Variants in SNTG1 observed in about 807,000 individuals in gnomAD.
The protein encoded by SNTG1 is gamma-1-syntrophin.
Under a neutral mutation model 74.7 loss-of-function variants are expected in SNTG1, and 39 were observed. The ratio of observed to expected loss-of-function variants is 0.52; its 90% CI spans 0.40 to 0.68. The LOEUF (loss-of-function observed/expected upper bound fraction) is 0.68. Ranked by LOEUF, SNTG1 falls within the 30% of genes least tolerant of loss-of-function variation. SNTG1 has a pLI of 0.00. For missense variants in SNTG1, 685 were observed against 609.5 expected (o/e 1.12, Z -1.30); for synonymous variants, 254 against 217.1 (o/e 1.17, Z -1.49).
At chr8:50,215,718 C>A (rs531456194) in intron 2 of SNTG1, among the ~76,000 whole-genome samples, 1 of 151,864 alleles carries the variant, frequency 6.6e-6, no homozygotes, top group South Asian at 2.1e-4. Flanking sequence ...AGATTATAGG[C>A]AGAGACATAT....
chr8:50,431,885 C>G (rs1280996624), intron 4 of SNTG1, among the ~76,000 whole-genome samples: 1 of 152,036 alleles, frequency 6.6e-6, no homozygotes, highest in Non-Finnish European at 1.5e-5. Context: ...TGTTTGTGTT[C>G]TTACTGAGTG....
chr8:50,297,195 C>T (rs1364581229), intron 2 of SNTG1, among the ~76,000 whole-genome samples: 3 of 152,128 alleles, frequency 2.0e-5, no homozygotes, highest in African/African-American at 4.8e-5. Flanking sequence ...GCAGAAGATA[C>T]GTTTTACAAA....
intron 8 of SNTG1, among the ~76,000 whole-genome samples, chr8:50,454,123 G>T (rs140514441): frequency 1.6e-4 from 25 of 152,222 alleles, no homozygotes; most frequent in African/African-American, 5.3e-4. Context: ...CTGAACCCTA[G>T]ACATATTAAG....
chr8:50,081,909 G>C (rs1048986412), intron 1 of SNTG1, among the ~76,000 whole-genome samples: 1 of 152,156 alleles, frequency 6.6e-6, no homozygotes, highest in Admixed American at 6.5e-5. Context: ...AGGATTACAG[G>C]CGTGAGCCAT....
At chr8:50,022,900 G>A (rs1349016082) in intron 1 of SNTG1, among the ~76,000 whole-genome samples, 1 of 152,122 alleles carries the variant, frequency 6.6e-6, no homozygotes, top group East Asian at 1.9e-4. Context: ...CTCCATGTTA[G>A]GAGAGTGTTT....
At chr8:50,748,939 A>G (rs369279132) in intron 17 of SNTG1, among the ~76,000 whole-genome samples, 3 of 152,120 alleles carry the variant, frequency 2.0e-5, no homozygotes, top group Admixed American at 6.5e-5. Flanking sequence ...TAATCCTGCA[A>G]TGGACTTTCT....
chr8:49,966,858 G>A (rs1811186097), intron 1 of SNTG1, among the ~76,000 whole-genome samples: 2 of 152,038 alleles, frequency 1.3e-5, no homozygotes, highest in Admixed American at 6.6e-5. Flanking sequence ...GCTACTTTGT[G>A]TATATCTAGC....
At chr8:50,089,024 A>T (rs1409871581) in intron 1 of SNTG1, among the ~76,000 whole-genome samples, 2 of 151,794 alleles carry the variant, frequency 1.3e-5, no homozygotes, top group Non-Finnish European at 2.9e-5. Context: ...GGCTACAGTA[A>T]CCAAAACAGC....
intron 4 of SNTG1, among the ~76,000 whole-genome samples, chr8:50,422,618 G>C (rs986518198): frequency 3.4e-4 from 1 of 2,904 alleles, no homozygotes; most frequent in African/African-American, 4.8e-4. Context: ...AGGTAGGTTG[G>C]GGGGAAGGGG....
At chr8:50,725,807 T>G (rs1468053762) in intron 17 of SNTG1, among the ~76,000 whole-genome samples, 1 of 152,198 alleles carries the variant, frequency 6.6e-6, no homozygotes. Context: ...CTATTGCATT[T>G]TTGCTAACCA....
intron 15 of SNTG1, among the ~76,000 whole-genome samples, chr8:50,694,024 G>A (rs2095393890): frequency 6.6e-6 from 1 of 151,888 alleles, no homozygotes; most frequent in Non-Finnish European, 1.5e-5. Flanking sequence ...TTTCATATAA[G>A]CAACCTAATG....
intron 13 of SNTG1, among the ~76,000 whole-genome samples, chr8:50,636,993 A>T (rs1490285277): frequency 6.6e-6 from 1 of 152,132 alleles, no homozygotes; most frequent in Non-Finnish European, 1.5e-5. Flanking sequence ...TTGTAGCTTT[A>T]CCATCTTCCA....
At chr8:50,623,842 T>TC (rs1242138933) in intron 13 of SNTG1, among the ~76,000 whole-genome samples, 68 of 152,156 alleles carry the variant, frequency 4.5e-4, no homozygotes, top group African/African-American at 1.5e-3. Flanking sequence ...ATATCATATG[T>TC]AATTTTTGTT....
rs960047938 is a variant in SNTG1 at position 50,656,165 on chromosome 8, T to C, written c.850-744T>C. Among the ~76,000 whole-genome samples the C allele has an allele frequency of 6.6e-5, 10 of 152,220 alleles. No homozygotes were observed. In the East Asian group the frequency reaches 9.7e-4, roughly 15 times the overall value. ...GCACAGAGTTGTGATGAGAAAGAAATTGAATGCCACATGAATATGTTGTTA... is the reference window on the plus strand; with the variant it reads ...GCACAGAGTTGTGATGAGAAAGAAACTGAATGCCACATGAATATGTTGTTA... On this transcript the variant is annotated intron_variant, in intron 13 of 18. Transcript: ENST00000642720.
At chr8:50,323,281 A>G (rs1460275108) in intron 2 of SNTG1, among the ~76,000 whole-genome samples, 1 of 152,066 alleles carries the variant, frequency 6.6e-6, no homozygotes, top group Non-Finnish European at 1.5e-5. Context: ...TTCCCTCAAA[A>G]CAGCTATTTT....
chr8:50,729,786 A>T (rs1046948812), intron 17 of SNTG1, among the ~76,000 whole-genome samples: 6 of 152,188 alleles, frequency 3.9e-5, no homozygotes, highest in African/African-American at 1.2e-4. Context: ...GGCTAGTCAT[A>T]CTTAAGGGGA....
At chr8:50,782,743 G>A (rs1023298878) in intron 18 of SNTG1, among the ~76,000 whole-genome samples, 8 of 152,154 alleles carry the variant, frequency 5.3e-5, no homozygotes, top group Non-Finnish European at 1.0e-4. Context: ...TTCCGTTGCT[G>A]GTGAGGAGCT....
intron 4 of SNTG1, among the ~76,000 whole-genome samples, chr8:50,416,357 T>C (rs1335928692): frequency 6.6e-6 from 1 of 152,170 alleles, no homozygotes; most frequent in Admixed American, 6.5e-5. Flanking sequence ...ACTAAGTCTG[T>C]TACTTTCCTA....
At chr8:50,266,562 G>A (rs912983662) in intron 2 of SNTG1, among the ~76,000 whole-genome samples, 5 of 150,970 alleles carry the variant, frequency 3.3e-5, no homozygotes, top group Non-Finnish European at 7.4e-5. Context: ...AAATACATGT[G>A]ATGAATAAAT....
Sources: allele counts gnomAD v4.1 joint callset (sites outside exome capture counted in the v4.1 genomes callset), GRCh38; gene constraint gnomAD v4.1.1; transcripts MANE v1.5; gene names NCBI Gene and HGNC (gene_info 2026-07-23, HGNC 2026-07-21).